The following TRIM51G variants were observed in gnomAD, a reference collection of about 807,000 sequenced individuals.
TRIM51G encodes tripartite motif-containing protein 51G.
the TRIM51G span, chr11:48,978,752 T>C: frequency 3.6e-6 from 2 of 562,222 alleles, no homozygotes; most frequent in African/African-American, 4.2e-5. Flanking sequence ...GCATTAGTTA[T>C]AGAATCGTGT....
At chr11:48,981,239 T>G in the TRIM51G span, 2 of 1,598,582 alleles carry the variant, frequency 1.3e-6, no homozygotes, top group East Asian at 4.5e-5. Context: ...CTGACAAGAA[T>G]TCCATGTGTC....
At chr11:48,983,778 A>C in the TRIM51G span, among the ~76,000 whole-genome samples, 1 of 152,124 alleles carries the variant, frequency 6.6e-6, no homozygotes, top group Non-Finnish European at 1.5e-5. Context: ...AATTCTTCCA[A>C]GAAAAAATTC....
the TRIM51G span, among the ~76,000 whole-genome samples, chr11:48,981,950 G>C: frequency 6.6e-6 from 1 of 152,090 alleles, no homozygotes; most frequent in Non-Finnish European, 1.5e-5. Flanking sequence ...ATGCAAATCT[G>C]TTCAAAAACC....
At chr11:48,978,343 G>A in the TRIM51G span, among the ~76,000 whole-genome samples, 2 of 152,056 alleles carry the variant, frequency 1.3e-5, no homozygotes, top group Non-Finnish European at 2.9e-5. Flanking sequence ...TTTATGTCCT[G>A]ATAAAGTCTA....
chr11:48,982,614 T>A, the TRIM51G span, among the ~76,000 whole-genome samples: 1 of 151,944 alleles, frequency 6.6e-6, no homozygotes, highest in Admixed American at 6.6e-5. Context: ...CTCCTGAAGC[T>A]GATTCTAACT....
At chr11:48,982,780 G>A in the TRIM51G span, among the ~76,000 whole-genome samples, 3 of 144,296 alleles carry the variant, frequency 2.1e-5, no homozygotes, top group East Asian at 2.1e-4. Context: ...TCCGAGGGAC[G>A]CATTAGACAG....
chr11:48,977,625 G>A, the TRIM51G span, among the ~76,000 whole-genome samples: 1 of 152,032 alleles, frequency 6.6e-6, no homozygotes, highest in Non-Finnish European at 1.5e-5. Context: ...GTTCTCTGGA[G>A]GCCTACACGG....
the TRIM51G span, chr11:48,981,385 C>T: frequency 6.2e-7 from 1 of 1,607,762 alleles, no homozygotes; most frequent in Admixed American, 1.7e-5. Flanking sequence ...GTCCACTTCA[C>T]AGAACATCTC....
chr11:48,979,622 A>G, the TRIM51G span, among the ~76,000 whole-genome samples: 1 of 152,098 alleles, frequency 6.6e-6, no homozygotes, highest in Non-Finnish European at 1.5e-5. Flanking sequence ...TCAAACCCCC[A>G]AATAAATGCA....
chr11:48,978,561 A>C, the TRIM51G span, among the ~76,000 whole-genome samples: 142 of 152,258 alleles, frequency 9.3e-4, no homozygotes, highest in African/African-American at 3.1e-3. Context: ...CCAATGAATC[A>C]CTTCTCATTT....
the TRIM51G span, among the ~76,000 whole-genome samples, chr11:48,978,388 G>C: frequency 6.6e-6 from 1 of 152,098 alleles, no homozygotes; most frequent in African/African-American, 2.4e-5. Flanking sequence ...AGTGAAGGGA[G>C]AGGAGGCCCA....
the TRIM51G span, among the ~76,000 whole-genome samples, chr11:48,976,230 A>G: frequency 2.0e-5 from 3 of 152,172 alleles, no homozygotes; most frequent in Non-Finnish European, 2.9e-5. Context: ...TTAAAAACTG[A>G]GAGTCGAATA....
the TRIM51G span, among the ~76,000 whole-genome samples, chr11:48,982,930 A>G: frequency 5.6e-5 from 6 of 107,250 alleles, no homozygotes; most frequent in Non-Finnish European, 1.1e-4. Flanking sequence ...ATTGTACCAG[A>G]GTTGTAAGTA....
the TRIM51G span, chr11:48,975,684 G>T: frequency 3.3e-6 from 5 of 1,497,648 alleles, no homozygotes; most frequent in Non-Finnish European, 4.6e-6. Context: ...AGGTGGTAAA[G>T]AGACTGCAGT....
At chr11:48,978,574 T>C in the TRIM51G span, among the ~76,000 whole-genome samples, 1 of 152,186 alleles carries the variant, frequency 6.6e-6, no homozygotes, top group African/African-American at 2.4e-5. Context: ...TCTCATTTTA[T>C]CTACTTTCAA....
At chr11:48,978,092 T>C in the TRIM51G span, 6 of 499,896 alleles carry the variant, frequency 1.2e-5, no homozygotes, top group African/African-American at 3.9e-5. Flanking sequence ...CTGCTTGATA[T>C]TTGTGGAAAC....
the TRIM51G span, among the ~76,000 whole-genome samples, chr11:48,982,947 GTATATATACA>G: frequency 0.048 from 4,096 of 86,134 alleles, 372 homozygotes; most frequent in East Asian, 0.16. Flanking sequence ...AGTATTTTTG[GTATATATACA>G]TATATATATA....
At chr11:48,976,914 T>G in the TRIM51G span, among the ~76,000 whole-genome samples, 8 of 152,202 alleles carry the variant, frequency 5.3e-5, no homozygotes, top group Admixed American at 3.9e-4. Flanking sequence ...TTACTCTTCA[T>G]GTTATAAATT....
the TRIM51G span, chr11:48,981,516 C>T: frequency 6.2e-7 from 1 of 1,604,902 alleles, no homozygotes; most frequent in African/African-American, 1.3e-5. Context: ...GGTTTCTCTG[C>T]CGTGTTGTCT....
Sources: gnomAD v4.1 joint callset for allele counts (sites outside exome capture counted in the v4.1 genomes callset) on GRCh38, gnomAD v4.1.1 for gene constraint, MANE v1.5 for transcripts, NCBI Gene and HGNC (gene_info 2026-07-23, HGNC 2026-07-21) for gene names.